Variants in IGFN1 observed in about 807,000 individuals in gnomAD.
The protein encoded by IGFN1 is immunoglobulin-like and fibronectin type III domain-containing protein 1.
IGFN1 carries 253 observed loss-of-function variants against 289.5 expected under a neutral mutation model. The observed-to-expected ratio is 0.87, with a 90% CI of 0.79 to 0.97. IGFN1 has a LOEUF of 0.97. Among genes scored for constraint, IGFN1 ranks in the 50% least tolerant of loss-of-function variants. The pLI is 0.00. For synonymous variants in IGFN1, 1,706 were observed against 1,788.5 expected (o/e 0.95, Z 1.16); for missense variants, 4,470 against 4,686.1 (o/e 0.95, Z 1.35).
Position 201,206,350 on chromosome 1 carries a change from G to A in IGFN1, c.1457G>A (p.Gly486Glu). Residue 486 changes from glycine (G) to glutamate (E), a missense_variant, in exon 12 of 24, where the codon GGA (glycine) becomes GAA (glutamate). This residue lies in a region of IGFN1 where 2,011 missense variants were observed against 1,953.4 expected (regional missense o/e 1.03). Coordinates refer to ENST00000335211, the MANE Select transcript of IGFN1 (RefSeq NM_001164586.2). Reference protein sequence around the residue: ...KGTADSAWGPGQEGEGFPVAE... With the variant: ...KGTADSAWGPEQEGEGFPVAE... ...ACAGCTGACTCAGCCTGGGGCCCTG[G>A]ACAGGAGGGCGAGGGCTTTCCAGTA... The A allele has an allele frequency of 6.4e-7, 1 of 1,550,448 alleles. No individual in the cohort carries two copies. Among genetic ancestry groups the A allele is most frequent in the South Asian group, 1.2e-5 (1 of 84,058 alleles).
intron 19 of IGFN1, chr1:201,222,104 T>G: frequency 1.7e-5 from 3 of 179,622 alleles, no homozygotes; most frequent in Non-Finnish European, 2.3e-5. Context: ...GAGTGGCTGC[T>G]TCCCGGGCAT....
rs1329895609 is a variant in IGFN1 at position 201,211,273 on chromosome 1, G to T, written c.6380G>T (p.Gly2127Val). Residue 2127 changes from glycine (G) to valine (V), a missense_variant, in exon 12 of 24, where the codon GGT becomes GTT. Transcript: ENST00000335211. Reference sequence around the variant, plus strand: ...GGAAGTAAGGCAGGTTTTAGGGATGGTTTAGGGAGTTCTACAGAAATGGGG... The same window carrying T: ...GGAAGTAAGGCAGGTTTTAGGGATGTTTTAGGGAGTTCTACAGAAATGGGG... Reference protein sequence around the residue: ...GSGSKAGFRDGLGSSTEMGSV... With the variant: ...GSGSKAGFRDVLGSSTEMGSV... 6.5e-7 allele frequency: 1 copy of T among 1,531,484 alleles called. No individual in the cohort carries two copies. The highest frequency in any genetic ancestry group is 8.7e-7 in the Non-Finnish European group (1 of 1,143,858). The allele number at this position is 1,531,484 out of a possible 1,614,324, so 94.9% of individuals were successfully genotyped here.
rs576531724 is a variant in IGFN1, at chr1:201,225,831, G to A, written c.10494G>A (p.Pro3498=). ...HSFRIRVAAC[P]QAPGPIHLQE... ...CTGCCGTCTCTCCTGAAGCATGCCC[G>A]CAGGCCCCTGGGCCCATCCACCTGC... The change falls in exon 22 of 24, where the codon CCG becomes CCA. Residue 3498 remains proline (P), a synonymous_variant. Coordinates refer to ENST00000335211, the MANE Select transcript of IGFN1 (RefSeq NM_001164586.2). 9.3e-6 allele frequency: 15 copies of A among 1,610,806 alleles called. No homozygotes were observed. Among genetic ancestry groups the A allele is most frequent in the East Asian group, 6.7e-5 (3 of 44,796 alleles).
At position 201,201,855 on chromosome 1, in the gene IGFN1, T is replaced by TGG. The variant is rs200458348; in HGVS notation, c.747+29_747+30dup. 8.0e-6 allele frequency: 6 copies of TGG among 746,240 alleles called. No individual in the cohort carries two copies. In the African/African-American group the frequency reaches 1.1e-4, roughly 13 times the overall value. 46.2% of individuals were successfully genotyped at this position (746,240 alleles called of 1,614,324 possible). Reference sequence around the variant, plus strand: ...AAGGTGAGGCTGGAGGGGCTATGGGTGGGGGGGATCTGGCAGGGATGCTTC... The same window carrying TGG: ...AAGGTGAGGCTGGAGGGGCTATGGGTGGGGGGGGGATCTGGCAGGGATGCTTC... On this transcript the variant is annotated intron_variant, in intron 9 of 23. Coordinates refer to ENST00000335211, the MANE Select transcript of IGFN1 (RefSeq NM_001164586.2).
At position 201,197,256 on chromosome 1, in the gene IGFN1, C is replaced by T. The variant is rs759213281; in HGVS notation, c.306C>T (p.Arg102=). ...KLTGEDTDLY[R]CTAVNAYGEA... The stretch of plus-strand genomic sequence containing the variant: ...CAGGCGAGGACACGGATCTGTACCG[C>T]TGCACAGCAGTAAATGCGTACGGAG... Residue 102 remains arginine (R), a synonymous_variant, in exon 5 of 24, where the codon CGC becomes CGT. Transcript: ENST00000335211. The T allele has an allele frequency of 3.0e-5, 47 of 1,551,446 alleles. No individual in the cohort carries two copies. The highest frequency in any genetic ancestry group is 3.9e-5 in the Non-Finnish European group (45 of 1,146,858).
chr1:201,226,904 G>A lies in IGFN1; in HGVS notation c.10809G>A (p.Pro3603=), dbSNP rs376208365. Residue 3603 remains proline (P), a synonymous_variant, in exon 23 of 24, where the codon CCG becomes CCA. Transcript: ENST00000335211. ...RQRDRFTVKA[P]CYREPDLSQK... Reference sequence around the variant, plus strand: ...CAGACAGGTTCACAGTGAAGGCTCCGTGCTACCGGGAGCCCGACCTGAGCC... The same window carrying A: ...CAGACAGGTTCACAGTGAAGGCTCCATGCTACCGGGAGCCCGACCTGAGCC... The A allele has an allele frequency of 5.3e-5, 85 of 1,601,998 alleles. No homozygotes were observed. The highest frequency in any genetic ancestry group is 1.2e-4 in the South Asian group (11 of 89,750).
intron 17 of IGFN1, among the ~76,000 whole-genome samples, chr1:201,218,110 A>T (rs1653450512): frequency 6.6e-6 from 1 of 152,258 alleles, no homozygotes; most frequent in Non-Finnish European, 1.5e-5. Flanking sequence ...ACAGCTTGCC[A>T]GGAGACCTGG....
At position 201,217,299 on chromosome 1, in the gene IGFN1, C is replaced by T. The variant is rs759496317; in HGVS notation, c.9608C>T (p.Ala3203Val). 5 of 1,613,834 alleles carry T rather than the reference C, an allele frequency of 3.1e-6. No homozygotes were observed. In the South Asian group the frequency reaches 5.5e-5, roughly 18 times the overall value. ...ILVAPEALPK[A>V]PSAPAILSAS... ...TTCTTACCCCCAGCTCTCCCCAAGG[C>T]CCCTTCCGCGCCAGCCATCCTGTCG... Residue 3203 changes from alanine (A) to valine (V), a missense_variant, in exon 17 of 24, where the codon GCC (alanine) becomes GTC (valine). By Grantham distance (64) the Ala-to-Val change is moderately conservative. Around this residue, in one of 8 missense-constraint regions of IGFN1, gnomAD observed 2,218 missense variants for 2,114.1 expected, o/e 1.05. Transcript: ENST00000335211.
At chr1:201,201,583 C>A in intron 8 of IGFN1, 136 bp from the exon 9 acceptor site, 1 of 571,834 alleles carries the variant, frequency 1.7e-6, no homozygotes, top group Non-Finnish European at 3.1e-6. Context: ...TACTTTCCCC[C>A]ACTTGTAAAA....
Position 201,207,914 on chromosome 1 carries a change from T to C in IGFN1, c.3021T>C (p.Gly1007=). 1 of 1,533,962 alleles carries C rather than the reference T, an allele frequency of 6.5e-7. No individual in the cohort carries two copies. Among genetic ancestry groups the C allele is most frequent in the Non-Finnish European group, 8.7e-7 (1 of 1,145,974 alleles). ...APAGVESEEG[G]GYRHGSGAPG... is the part of the protein sequence containing the mutation. ...CGGGAGTGGAGTCTGAGGAAGGGGG[T>C]GGGTACAGGCATGGCTCCGGAGCGC... Residue 1007 remains glycine, a synonymous_variant, in exon 12 of 24, where the codon GGT becomes GGC. Transcript: ENST00000335211.
intron 12 of IGFN1, among the ~76,000 whole-genome samples, 166 bp downstream of exon 12, chr1:201,213,787 TC>T (rs772291835): frequency 2.8e-4 from 43 of 152,270 alleles, no homozygotes; most frequent in Non-Finnish European, 4.7e-4. Flanking sequence ...GGAAGCAACC[TC>T]TTCCTCTTTA....
At chr1:201,192,434 C>A (rs1160207215) in intron 1 of IGFN1, among the ~76,000 whole-genome samples, 1 of 152,162 alleles carries the variant, frequency 6.6e-6, no homozygotes, top group Non-Finnish European at 1.5e-5. Flanking sequence ...AGACCCAACC[C>A]CCTTCCTCTC....
rs1667475310 is a variant in IGFN1 at position 201,207,350 on chromosome 1, G to T, written c.2457G>T (p.Trp819Cys). 1 of 1,536,966 alleles carries T rather than the reference G, an allele frequency of 6.5e-7. No individual in the cohort carries two copies. Among genetic ancestry groups the T allele is most frequent in the African/African-American group, 1.4e-5 (1 of 73,154 alleles). The change falls in exon 12 of 24, where the codon TGG becomes TGT. Residue 819 changes from tryptophan (W) to cysteine (C), a missense_variant. Coordinates refer to ENST00000335211, the MANE Select transcript of IGFN1 (RefSeq NM_001164586.2). ...GAAGCTTCCAGTCTTCCCAGGGCTG[G>T]ACAGCAGGTCACAGAGCAGCAGGGG... ...DPRSFQSSQG[W>C]TAGHRAAGGI...
intron 22 of IGFN1, 114 bp from the exon 23 acceptor site, chr1:201,226,768 A>G (rs1571502574): frequency 1.0e-5 from 8 of 795,956 alleles, no homozygotes; most frequent in Non-Finnish European, 2.0e-6. Flanking sequence ...ATGTGGCAGG[A>G]AATCCCAGAT....
chr1:201,207,452 C>T lies in IGFN1; in HGVS notation c.2559C>T (p.His853=), dbSNP rs990171348. 3.3e-6 allele frequency: 5 copies of T among 1,528,582 alleles called. No individual in the cohort carries two copies. The African/African-American group carries it at 6.9e-5, about 21-fold the overall frequency. The allele number at this position is 1,528,582 out of a possible 1,614,324, so 94.7% of individuals were successfully genotyped here. A position where few individuals can be genotyped will look rare whatever the true frequency, so the allele number is the denominator to read the frequency against. Residue 853 remains histidine, a synonymous_variant, in exon 12 of 24, where the codon CAC becomes CAT. Coordinates refer to ENST00000335211, the MANE Select transcript of IGFN1 (RefSeq NM_001164586.2). Reference sequence around the variant, plus strand: ...CTAGCCTCAGAAAAACTGGGGCCCACCATGGGCCTGGAGTGCTGGGGCCCA... The same window carrying T: ...CTAGCCTCAGAAAAACTGGGGCCCATCATGGGCCTGGAGTGCTGGGGCCCA... ...TPSSLRKTGA[H]HGPGVLGPSG...
At chr1:201,222,916 T>C in intron 20 of IGFN1, 89 bp downstream of exon 20, 1 of 827,934 alleles carries the variant, frequency 1.2e-6, no homozygotes, top group South Asian at 1.8e-5. Flanking sequence ...TCTTCCCTGT[T>C]CCTTTTTGGC....
chr1:201,216,050 A>G (rs1243515718), intron 15 of IGFN1: 5 of 722,300 alleles, frequency 6.9e-6, no homozygotes, highest in Middle Eastern at 2.3e-4. Context: ...GCTGGGGGGG[A>G]GGAGCCGGTT....
chr1:201,207,908 A>T lies in IGFN1; in HGVS notation c.3015A>T (p.Glu1005Asp), dbSNP rs1378168460. The change falls in exon 12 of 24, where the codon GAA (glutamate) becomes GAT (aspartate). Residue 1005 changes from glutamate to aspartate, a missense_variant. Transcript: ENST00000335211. Reference sequence around the variant, plus strand: ...CACCTGCGGGAGTGGAGTCTGAGGAAGGGGGTGGGTACAGGCATGGCTCCG... The same window carrying T: ...CACCTGCGGGAGTGGAGTCTGAGGATGGGGGTGGGTACAGGCATGGCTCCG... The part of the protein sequence containing the change: ...PRAPAGVESE[E>D]GGGYRHGSGA... 6.5e-7 allele frequency: 1 copy of T among 1,536,186 alleles called. No homozygotes were observed. Among genetic ancestry groups the T allele is most frequent in the Non-Finnish European group, 8.7e-7 (1 of 1,146,524 alleles).
At chr1:201,218,060 T>C (rs1653447367) in intron 17 of IGFN1, among the ~76,000 whole-genome samples, 1 of 152,254 alleles carries the variant, frequency 6.6e-6, no homozygotes, top group Non-Finnish European at 1.5e-5. Flanking sequence ...GCATGCGTGC[T>C]GCGGAAGTCC....
Sources: allele counts gnomAD v4.1 joint callset (sites outside exome capture counted in the v4.1 genomes callset), GRCh38; gene constraint gnomAD v4.1.1; regional missense constraint gnomAD v4.1.1; transcripts MANE v1.5; gene names NCBI Gene and HGNC (gene_info 2026-07-23, HGNC 2026-07-21).